Variants in MANEA observed in about 807,000 individuals in gnomAD.
MANEA encodes the protein mannosidase endo-alpha, also known as glycoprotein endo-alpha-1,2-mannosidase.
In MANEA, 25 loss-of-function variants were observed where a neutral mutation model predicts 36.8. The ratio of observed to expected loss-of-function variants is 0.68; its 90% CI spans 0.50 to 0.95. The LOEUF is 0.95. Among genes scored for constraint, MANEA ranks in the 40% least tolerant of loss-of-function variants. The pLI is 0.00. For missense variants in MANEA, 565 were observed against 558.8 expected, an observed-to-expected ratio of 1.01 and a Z score of -0.11; for synonymous variants, 198 against 188.5, an observed-to-expected ratio of 1.05 and a Z score of -0.41.
At position 95,586,684 on chromosome 6, in the gene MANEA, C is replaced by T. The variant is rs62417812; in HGVS notation, c.245C>T (p.Thr82Ile). 169,496 of 1,613,156 alleles carry T rather than the reference C, an allele frequency of 0.11. 10,033 individuals carry two copies. Among genetic ancestry groups the T allele is most frequent in the Non-Finnish European group, 0.12 (138,651 of 1,179,210 alleles). The change falls in exon 2 of 5, where the codon ACT (threonine) becomes ATT (isoleucine). Residue 82 changes from threonine (T) to isoleucine (I), a missense_variant. Coordinates refer to ENST00000358812, the MANE Select transcript of MANEA (RefSeq NM_024641.4). ...NTKNLKSVEI[T>I]MKPSKASELN... ...AAGAATTTAAAAAGTGTTGAAATCA[C>T]TATGAAACCTTCCAAAGCCTCTGAA...
At chr6:95,601,769 C>T (rs961119367) in intron 3 of MANEA, among the ~76,000 whole-genome samples, 1 of 114,754 alleles carries the variant, frequency 8.7e-6, no homozygotes, top group Admixed American at 1.0e-4. Flanking sequence ...GGGAAAGAAC[C>T]AACTCAGCCC....
At chr6:95,596,070 A>G (rs1769475875) in intron 2 of MANEA, among the ~76,000 whole-genome samples, 1 of 152,160 alleles carries the variant, frequency 6.6e-6, no homozygotes, top group Admixed American at 6.5e-5. Context: ...TCAAGTTGCT[A>G]AATGAATGAA....
chr6:95,585,524 A>G (rs1769264281), intron 1 of MANEA, among the ~76,000 whole-genome samples: 1 of 152,188 alleles, frequency 6.6e-6, no homozygotes, highest in African/African-American at 2.4e-5. Context: ...GTGGTTGTCC[A>G]GGCTGGTCTC....
Position 95,586,408 on chromosome 6 carries a change from A to G in MANEA, c.-32A>G, listed in dbSNP as rs188550290. The G allele has an allele frequency of 3.0e-5, 46 of 1,541,110 alleles. No individual in the cohort carries two copies. In the Admixed American group the frequency reaches 6.5e-4, roughly 22 times the overall value. On this transcript the variant is annotated 5_prime_UTR_variant, in exon 2 of 5. Transcript: ENST00000358812. ...TTTTTTCAATAAATTGCAGCAAAAC[A>G]CTTACTATTTTGGAGTTTAAAGTAT...
intron 3 of MANEA, among the ~76,000 whole-genome samples, chr6:95,604,068 G>A (rs1369292271): frequency 6.7e-6 from 1 of 149,894 alleles, no homozygotes; most frequent in Non-Finnish European, 1.5e-5. Context: ...GTAGGTGTGT[G>A]TGTGTGTGTG....
chr6:95,590,793 G>A (rs1316501023), intron 2 of MANEA, among the ~76,000 whole-genome samples: 1 of 152,178 alleles, frequency 6.6e-6, no homozygotes, highest in African/African-American at 2.4e-5. Flanking sequence ...AATGTGTAAT[G>A]TAAGGTCTTC....
At chr6:95,592,192 T>G (rs1029608228) in intron 2 of MANEA, among the ~76,000 whole-genome samples, 4 of 152,226 alleles carry the variant, frequency 2.6e-5, no homozygotes, top group African/African-American at 7.2e-5. Flanking sequence ...TCTCCTCAGC[T>G]CTGTTAATGA....
intron 2 of MANEA, among the ~76,000 whole-genome samples, chr6:95,591,586 G>A (rs944286316): frequency 6.6e-6 from 1 of 150,786 alleles, no homozygotes; most frequent in African/African-American, 2.4e-5. Context: ...TCTAAACATG[G>A]TATGGTTACT....
In MANEA at chr6:95,605,839, C is replaced by T. The variant is rs1311107681; in HGVS notation, c.823C>T (p.Pro275Ser). 6.2e-7 allele frequency: 1 copy of T among 1,613,688 alleles called. No homozygotes were observed. The highest frequency in any genetic ancestry group is 2.2e-5 in the East Asian group (1 of 44,860). Residue 275 changes from proline to serine, a missense_variant, in exon 5 of 5, where the codon CCT (proline) becomes TCT (serine). Coordinates refer to ENST00000358812, the MANE Select transcript of MANEA (RefSeq NM_024641.4). ...FYVYDSYITK[P>S]EKWANLLTTS... ...TGTCTATGATTCCTATATTACCAAG[C>T]CTGAAAAATGGGCCAATCTGTTAAC...
chr6:95,598,323 T>G (rs1191444032), intron 3 of MANEA, among the ~76,000 whole-genome samples: 3 of 152,294 alleles, frequency 2.0e-5, no homozygotes, highest in African/African-American at 7.2e-5. Flanking sequence ...AAGTGGCTTA[T>G]TTGGGAGTGT....
In MANEA at chr6:95,586,543, C is replaced by T; in HGVS notation, c.104C>T (p.Thr35Ile). 2 of 1,614,016 alleles carry T rather than the reference C, an allele frequency of 1.2e-6. No homozygotes were observed. Among genetic ancestry groups the T allele is most frequent in the Non-Finnish European group, 1.7e-6 (2 of 1,179,954 alleles). ...AAAATGCTGAGACCAAATACAGCTA[C>T]TTTTGGAGCTCCTTTTGGACTTGAC... ...GLKMLRPNTA[T>I]FGAPFGLDLL... Residue 35 changes from threonine to isoleucine, a missense_variant, in exon 2 of 5, where the codon ACT (threonine) becomes ATT (isoleucine). Thr to Ile is a moderately conservative substitution (Grantham distance 89). Transcript: ENST00000358812.
At chr6:95,589,107 TAA>T (rs888134783) in intron 2 of MANEA, among the ~76,000 whole-genome samples, 1 of 146,136 alleles carries the variant, frequency 6.8e-6, no homozygotes, top group African/African-American at 2.5e-5. Context: ...AACTTGATAA[TAA>T]AAGTGACATA....
chr6:95,589,005 C>T (rs1399120211), intron 2 of MANEA, among the ~76,000 whole-genome samples: 1 of 151,814 alleles, frequency 6.6e-6, no homozygotes, highest in Non-Finnish European at 1.5e-5. Context: ...GACAGTAATA[C>T]AGTCATTTCA....
At chr6:95,592,864 T>A (rs970982972) in intron 2 of MANEA, among the ~76,000 whole-genome samples, 1 of 152,206 alleles carries the variant, frequency 6.6e-6, no homozygotes, top group Admixed American at 6.5e-5. Flanking sequence ...TCTCTAGGCC[T>A]ATCTGATTTT....
chr6:95,595,309 G>A (rs766819434), intron 2 of MANEA, among the ~76,000 whole-genome samples: 3 of 152,060 alleles, frequency 2.0e-5, no homozygotes, highest in Non-Finnish European at 2.9e-5. Flanking sequence ...TAAAATGTTG[G>A]ATTGTCTCCA....
intron 2 of MANEA, among the ~76,000 whole-genome samples, chr6:95,594,676 A>G (rs1769453020): frequency 1.3e-5 from 2 of 152,192 alleles, no homozygotes; most frequent in Non-Finnish European, 2.9e-5. Flanking sequence ...AGGCCCAGGA[A>G]GAAGATGCCT....
rs1769723137 is a variant in MANEA at position 95,606,772 on chromosome 6, G to GCCCA, written c.*367_*368insCCCA. ...TTACATCCTAGACCCAAATAAATAG[G>GCCCA]ATTGTGTGTATATTTGGGATATCTA... On this transcript the variant is annotated 3_prime_UTR_variant, in exon 5 of 5. Coordinates refer to ENST00000358812, the MANE Select transcript of MANEA (RefSeq NM_024641.4). 1 of 153,244 alleles carries GCCCA rather than the reference G, an allele frequency of 6.5e-6. No homozygotes were observed. The highest frequency in any genetic ancestry group is 1.5e-5 in the Non-Finnish European group (1 of 68,942). 9.5% of individuals were successfully genotyped at this position (153,244 alleles called of 1,614,324 possible). A position where few individuals can be genotyped will look rare whatever the true frequency, so the allele number is the denominator to read the frequency against.
intron 2 of MANEA, among the ~76,000 whole-genome samples, chr6:95,596,272 A>G (rs1769481318): frequency 6.6e-6 from 1 of 152,116 alleles, no homozygotes; most frequent in Admixed American, 6.6e-5. Context: ...TGGAGAGCAT[A>G]TGGTATAATA....
At chr6:95,593,925 A>T (rs976587217) in intron 2 of MANEA, among the ~76,000 whole-genome samples, 9 of 152,140 alleles carry the variant, frequency 5.9e-5, no homozygotes, top group Non-Finnish European at 8.8e-5. Flanking sequence ...GGGTGCCTGT[A>T]ATCCCAGAGG....
Sources: allele counts gnomAD v4.1 joint callset (sites outside exome capture counted in the v4.1 genomes callset), GRCh38; gene constraint gnomAD v4.1.1; transcripts MANE v1.5; gene names NCBI Gene and HGNC (gene_info 2026-07-23, HGNC 2026-07-21).